Variants in RRM2 observed in about 807,000 individuals in gnomAD.
The protein encoded by RRM2 is ribonucleotide reductase regulatory subunit M2.
In RRM2, 6 loss-of-function variants were observed where a neutral mutation model predicts 45.9. The observed-to-expected ratio is 0.13, with a 90% CI of 0.07 to 0.26. The LOEUF (loss-of-function observed/expected upper bound fraction) is 0.26, where lower values mean the gene tolerates loss of function less well. Ranked by LOEUF, RRM2 falls within the 10% of genes least tolerant of loss-of-function variation. RRM2 has a pLI of 1.00. For missense variants in RRM2, 343 were observed against 489.5 expected (o/e 0.70, Z 2.82); for synonymous variants, 177 against 173.0 (o/e 1.02, Z -0.18).
chr2:10,162,360 C>T (rs1558393025), intron 3 of RRM2, among the ~76,000 whole-genome samples: 1 of 152,110 alleles, frequency 6.6e-6, no homozygotes, highest in African/African-American at 2.4e-5. Context: ...GTGTGCAGGG[C>T]GGTTGCTGAT....
intron 3 of RRM2, among the ~76,000 whole-genome samples, chr2:10,208,742 G>A (rs1664705595): frequency 6.6e-6 from 1 of 152,120 alleles, no homozygotes; most frequent in Non-Finnish European, 1.5e-5. Context: ...ACTGCCAGCT[G>A]GACAAACCCA....
chr2:10,170,967 G>T (rs775196365), intron 3 of RRM2, among the ~76,000 whole-genome samples: 10 of 152,262 alleles, frequency 6.6e-5, no homozygotes, highest in Non-Finnish European at 1.5e-4. Context: ...CTTGTCCCCA[G>T]CCCAGGCACC....
chr2:10,158,210 C>T (rs986758837), intron 3 of RRM2, among the ~76,000 whole-genome samples: 9 of 152,152 alleles, frequency 5.9e-5, no homozygotes, highest in African/African-American at 2.2e-4. Flanking sequence ...CTCCATTTTC[C>T]CATGTACGAA....
chr2:10,187,007 C>T (rs1346242566), intron 3 of RRM2, among the ~76,000 whole-genome samples: 1 of 152,230 alleles, frequency 6.6e-6, no homozygotes. Flanking sequence ...AGAGGAGGTG[C>T]GTGCGGGGCT....
At chr2:10,186,024 G>A (rs965580321) in intron 3 of RRM2, among the ~76,000 whole-genome samples, 5 of 152,192 alleles carry the variant, frequency 3.3e-5, no homozygotes, top group Admixed American at 6.5e-5. Context: ...CCTAAATTCG[G>A]CAGAAATCTT....
intron 3 of RRM2, among the ~76,000 whole-genome samples, chr2:10,150,055 T>C (rs1354848692): frequency 6.6e-6 from 1 of 152,234 alleles, no homozygotes; most frequent in Non-Finnish European, 1.5e-5. Flanking sequence ...GGCTCATGCC[T>C]GTAATCCCAG....
rs1282375456 is a variant in RRM2 at position 10,185,561 on chromosome 2, G to A, written n.483-24750G>A. ...ACCCATTCACTCCTCTCCCAAATCC[G>A]GATGGTTTTAAGGTGATTTTAGCCA... On this transcript the variant is annotated intron_variant and non_coding_transcript_variant, in intron 3 of 3. Coordinates refer to the RRM2 transcript ENST00000381786. The surrounding 1 kb of genome is among the most constrained non-coding windows in gnomAD (Gnocchi z 4.3). Among the ~76,000 whole-genome samples the A allele has an allele frequency of 1.3e-5, 2 of 152,046 alleles. No individual in the cohort carries two copies. Among genetic ancestry groups the A allele is most frequent in the African/African-American group, 2.4e-5 (1 of 41,376 alleles).
chr2:10,201,918 A>G (rs1377578103), intron 3 of RRM2, among the ~76,000 whole-genome samples: 4 of 152,220 alleles, frequency 2.6e-5, no homozygotes, highest in Non-Finnish European at 5.9e-5. Flanking sequence ...CCTTTACATT[A>G]GTGTACTATG....
intron 3 of RRM2, among the ~76,000 whole-genome samples, chr2:10,161,637 C>T (rs1663556990): frequency 6.6e-6 from 1 of 151,036 alleles, no homozygotes; most frequent in African/African-American, 2.5e-5. Flanking sequence ...CATGCTCACT[C>T]ATGCACTCAC....
intron 3 of RRM2, among the ~76,000 whole-genome samples, chr2:10,206,082 TA>T (rs1175042667): frequency 6.6e-6 from 1 of 151,840 alleles, no homozygotes; most frequent in Non-Finnish European, 1.5e-5. Context: ...CTGTCTGTAC[TA>T]AAAATACAAA....
intron 3 of RRM2, among the ~76,000 whole-genome samples, chr2:10,186,314 A>ATTT (rs60113793): frequency 1.2e-3 from 170 of 145,644 alleles, no homozygotes; most frequent in Admixed American, 3.5e-3. Context: ...TGCCCAGCTA[A>ATTT]TTTTTTTTTT....
chr2:10,139,524 G>T (rs1268586072), upstream of RRM2, among the ~76,000 whole-genome samples: 1 of 152,170 alleles, frequency 6.6e-6, no homozygotes, highest in Admixed American at 6.5e-5. Flanking sequence ...CTAGAAGTGG[G>T]GGTGTCAAAG....
At chr2:10,132,799 C>A (rs896272666), downstream of RRM2, among the ~76,000 whole-genome samples, 1 of 152,158 alleles carries the variant, frequency 6.6e-6, no homozygotes, top group Non-Finnish European at 1.5e-5. Context: ...GGCAGCCAGG[C>A]GTCAAGAAGA....
chr2:10,178,662 C>CT (rs1288315234), intron 3 of RRM2, among the ~76,000 whole-genome samples: 1 of 152,154 alleles, frequency 6.6e-6, no homozygotes, highest in African/African-American at 2.4e-5. Context: ...TTGGGATTGG[C>CT]TTTTTGCAGT....
At chr2:10,177,702 C>CCTTT (rs1553326743) in intron 3 of RRM2, among the ~76,000 whole-genome samples, 1 of 142,402 alleles carries the variant, frequency 7.0e-6, no homozygotes, top group African/African-American at 2.7e-5. Flanking sequence ...TTCCTTCCTT[C>CCTTT]CTTCCTCTCT....
At chr2:10,210,692 A>G (rs1664746508) in exon 4 of RRM2, 2 of 1,173,436 alleles carry the variant, frequency 1.7e-6, no homozygotes, top group African/African-American at 3.2e-5. Flanking sequence ...GGAGGGTGGG[A>G]AACTGGGGTG....
intron 3 of RRM2, among the ~76,000 whole-genome samples, chr2:10,197,221 G>A (rs968429689): frequency 2.0e-5 from 3 of 152,190 alleles, no homozygotes; most frequent in Admixed American, 6.5e-5. Context: ...GCTGGTGTGC[G>A]GATCGAGGGA....
At chr2:10,159,797 C>T (rs1663518523) in intron 3 of RRM2, among the ~76,000 whole-genome samples, 1 of 152,206 alleles carries the variant, frequency 6.6e-6, no homozygotes, top group Non-Finnish European at 1.5e-5. Flanking sequence ...AAGAGCCCAG[C>T]GTTTCAGAAA....
Position 10,185,807 on chromosome 2 carries a change from T to G in RRM2, n.483-24504T>G, listed in dbSNP as rs1289899261. The stretch of plus-strand genomic sequence containing the variant: ...TCCCCAGTCTCCCCTAAACTCCAAA[T>G]CTCTACTCTGACCCTCAGTCTCATC... On this transcript the variant is annotated intron_variant and non_coding_transcript_variant, in intron 3 of 3. Coordinates refer to the RRM2 transcript ENST00000381786. The surrounding 1 kb of genome is among the most constrained non-coding windows in gnomAD (Gnocchi z 4.3). 1.3e-5 allele frequency among the ~76,000 whole-genome samples: 2 copies of G among 150,396 alleles called. No individual in the cohort carries two copies. Among genetic ancestry groups the G allele is most frequent in the Non-Finnish European group, 3.0e-5 (2 of 67,702 alleles).
Sources: gnomAD v4.1 joint callset for allele counts (sites outside exome capture counted in the v4.1 genomes callset) on GRCh38, gnomAD v4.1.1 for gene constraint, Gnocchi (gnomAD v3.1) non-coding constraint, MANE v1.5 for transcripts, NCBI Gene and HGNC (gene_info 2026-07-23, HGNC 2026-07-21) for gene names.